Variants in ACTR3B observed in about 807,000 individuals in gnomAD.
ACTR3B encodes actin-related protein 3B.
Under a neutral mutation model 59.0 loss-of-function variants are expected in ACTR3B, and 8 were observed. The ratio of observed to expected loss-of-function variants is 0.14; its 90% confidence interval spans 0.08 to 0.24. ACTR3B has a LOEUF of 0.24. Ranked by LOEUF, ACTR3B falls within the 10% of genes least tolerant of loss-of-function variation. The pLI is 1.00. For synonymous variants in ACTR3B, 148 were observed against 197.9 expected (o/e 0.75, Z 2.12); for missense variants, 245 against 552.3 (o/e 0.44, Z 5.58).
chr7:152,822,507 C>CGCA (rs991611362), intron 7 of ACTR3B, among the ~76,000 whole-genome samples: 7 of 152,212 alleles, frequency 4.6e-5, no homozygotes, highest in Middle Eastern at 3.4e-3. Context: ...CGACTTCTCT[C>CGCA]GCAGCAGCAG....
At chr7:152,797,063 A>T (rs1272104901) in intron 2 of ACTR3B, among the ~76,000 whole-genome samples, 1 of 151,656 alleles carries the variant, frequency 6.6e-6, no homozygotes, top group Admixed American at 6.6e-5. Flanking sequence ...ACAAGGATTT[A>T]AAAAATTTTT....
intron 4 of ACTR3B, among the ~76,000 whole-genome samples, chr7:152,809,844 A>C (rs2098264241): frequency 6.6e-6 from 1 of 152,004 alleles, no homozygotes; most frequent in Non-Finnish European, 1.5e-5. Flanking sequence ...CCCAGCTAGC[A>C]CACAGTTTTA....
intron 9 of ACTR3B, among the ~76,000 whole-genome samples, chr7:152,844,296 G>A (rs1165426740): frequency 1.3e-5 from 2 of 152,108 alleles, no homozygotes; most frequent in Admixed American, 6.6e-5. Flanking sequence ...GACCTCAGGT[G>A]ATCCGCCTGC....
intron 1 of ACTR3B, among the ~76,000 whole-genome samples, chr7:152,764,381 G>A (rs1485825459): frequency 1.3e-5 from 2 of 152,112 alleles, no homozygotes; most frequent in African/African-American, 4.8e-5. Context: ...TGTAGTCCCA[G>A]CACTTTGGGA....
intron 3 of ACTR3B, among the ~76,000 whole-genome samples, chr7:152,801,007 T>G (rs2098234154): frequency 3.7e-5 from 1 of 26,822 alleles, no homozygotes; most frequent in African/African-American, 6.1e-5. Flanking sequence ...TTAAGCAGAC[T>G]TTTTTTTTTT....
intron 4 of ACTR3B, among the ~76,000 whole-genome samples, chr7:152,803,483 C>G (rs917714970): frequency 2.0e-5 from 3 of 152,178 alleles, no homozygotes; most frequent in Non-Finnish European, 4.4e-5. Context: ...ATCACATAAA[C>G]TACCTGTTGG....
In ACTR3B at chr7:152,795,326, C is replaced by T. The variant is rs1347598344; in HGVS notation, c.101-5205C>T. The stretch of plus-strand genomic sequence containing the variant: ...CCTCCCACAGTGCTGGGATTACAGG[C>T]GTGAGCCACTGCTCCTGGCCTCAAA... On this transcript the variant is annotated intron_variant, in intron 2 of 11. Transcript: ENST00000256001. 2.6e-5 allele frequency among the ~76,000 whole-genome samples: 4 copies of T among 152,320 alleles called. No homozygotes were observed. In the East Asian group the frequency reaches 5.8e-4, roughly 22 times the overall value.
chr7:152,832,490 A>C (rs955717378), intron 9 of ACTR3B, among the ~76,000 whole-genome samples: 1 of 152,232 alleles, frequency 6.6e-6, no homozygotes, highest in Non-Finnish European at 1.5e-5. Context: ...AAAGAAGGGC[A>C]GAGAGATTGT....
intron 6 of ACTR3B, among the ~76,000 whole-genome samples, chr7:152,819,935 CTT>C (rs1404051757): frequency 6.6e-6 from 1 of 152,204 alleles, no homozygotes; most frequent in Non-Finnish European, 1.5e-5. Flanking sequence ...ATAAATAAAA[CTT>C]TTTCCTTTTT....
Position 152,800,521 on chromosome 7 carries a change from T to C in ACTR3B, c.101-10T>C. 6.4e-7 allele frequency: 1 copy of C among 1,557,620 alleles called. No homozygotes were observed. Among genetic ancestry groups the C allele is most frequent in the Non-Finnish European group, 8.7e-7 (1 of 1,144,680 alleles). The stretch of plus-strand genomic sequence containing the variant: ...GTGATAGAAATCTGTGTGTGTGTGT[T>C]TTTTTTAAGGTATTGCCATCAGAGA... On this transcript the variant is annotated splice_polypyrimidine_tract_variant and intron_variant, in intron 2 of 11. Coordinates refer to ENST00000256001, the MANE Select transcript of ACTR3B (RefSeq NM_020445.6).
intron 5 of ACTR3B, among the ~76,000 whole-genome samples, chr7:152,815,289 C>G (rs1020257963): frequency 3.3e-5 from 5 of 152,232 alleles, no homozygotes; most frequent in African/African-American, 1.2e-4. Flanking sequence ...CATCCTGCAG[C>G]TTTCTCGGGC....
chr7:152,819,628 C>A (rs932587921), intron 6 of ACTR3B, among the ~76,000 whole-genome samples: 1 of 152,198 alleles, frequency 6.6e-6, no homozygotes, highest in Non-Finnish European at 1.5e-5. Context: ...ACCCTCCTTT[C>A]CTGGCCCCTC....
intron 2 of ACTR3B, among the ~76,000 whole-genome samples, chr7:152,798,814 A>T (rs758633480): frequency 6.6e-6 from 1 of 152,136 alleles, no homozygotes; most frequent in Non-Finnish European, 1.5e-5. Flanking sequence ...GTGTAAATAC[A>T]TGGATTCATT....
At chr7:152,782,164 A>C (rs1443796282) in intron 1 of ACTR3B, among the ~76,000 whole-genome samples, 1 of 151,762 alleles carries the variant, frequency 6.6e-6, no homozygotes, top group Non-Finnish European at 1.5e-5. Flanking sequence ...CCGGATCAAA[A>C]ATTTAATATT....
chr7:152,842,419 GA>G (rs1797937850), intron 9 of ACTR3B, among the ~76,000 whole-genome samples: 1 of 152,202 alleles, frequency 6.6e-6, no homozygotes. Context: ...ATGCTTCTCA[GA>G]ATGGTGCGCA....
chr7:152,796,060 G>C (rs1199458971), intron 2 of ACTR3B, among the ~76,000 whole-genome samples: 1 of 152,058 alleles, frequency 6.6e-6, no homozygotes, highest in African/African-American at 2.4e-5. Context: ...GGTCAGGCTG[G>C]TCTTGAACTC....
chr7:152,801,915 C>T (rs940789350), intron 4 of ACTR3B, among the ~76,000 whole-genome samples, 184 bp downstream of exon 4: 4 of 148,662 alleles, frequency 2.7e-5, no homozygotes, highest in African/African-American at 9.8e-5. Context: ...TGTTAGCTCA[C>T]CAAACAGGAA....
At chr7:152,789,130 C>T (rs925811230) in intron 2 of ACTR3B, among the ~76,000 whole-genome samples, 1 of 151,960 alleles carries the variant, frequency 6.6e-6, no homozygotes, top group African/African-American at 2.4e-5. Flanking sequence ...TGGCTCACAC[C>T]TGTAATTGCA....
intron 2 of ACTR3B, among the ~76,000 whole-genome samples, chr7:152,797,593 G>A (rs2098221746): frequency 6.6e-6 from 1 of 152,074 alleles, no homozygotes; most frequent in Non-Finnish European, 1.5e-5. Flanking sequence ...ATTAACTGTT[G>A]TCACGTCGTT....
Sources: gnomAD v4.1 joint callset for allele counts (sites outside exome capture counted in the v4.1 genomes callset) on GRCh38, gnomAD v4.1.1 for gene constraint, MANE v1.5 for transcripts, NCBI Gene and HGNC (gene_info 2026-07-23, HGNC 2026-07-21) for gene names.